ITPR1: variants seen among roughly 807,000 people sequenced by gnomAD.
ITPR1 encodes inositol 1,4,5-trisphosphate-gated calcium channel ITPR1.
ITPR1 carries 96 observed loss-of-function variants against 318.4 expected under a neutral mutation model. That is an observed-to-expected ratio of 0.30 (90% confidence interval 0.26 to 0.36). ITPR1 has a LOEUF of 0.36. ITPR1 is among the 10% of genes least tolerant of loss of function. The pLI, the probability that ITPR1 is intolerant of heterozygous loss-of-function variation, is 1.00. For missense variants in ITPR1, 2,440 were observed against 3,460.2 expected, an observed-to-expected ratio of 0.71 and a Z score of 7.40; for synonymous variants, 1,312 against 1,289.9, an observed-to-expected ratio of 1.02 and a Z score of -0.37.
At chr3:4,780,345 A>T (rs1367149691) in intron 49 of ITPR1, among the ~76,000 whole-genome samples, 1 of 152,130 alleles carries the variant, frequency 6.6e-6, no homozygotes. Context: ...AGCTACAGAA[A>T]TGTTTTTTGG....
At chr3:4,647,622 C>A (rs183951797) in intron 10 of ITPR1, among the ~76,000 whole-genome samples, 13 of 152,316 alleles carry the variant, frequency 8.5e-5, no homozygotes, top group Non-Finnish European at 5.9e-5. Context: ...TCAGTCTTTT[C>A]AATGTTACTC....
chr3:4,533,094 A>G (rs2083552235), intron 4 of ITPR1, among the ~76,000 whole-genome samples: 1 of 152,230 alleles, frequency 6.6e-6, no homozygotes, highest in East Asian at 1.9e-4. Context: ...CGTTGGGTCA[A>G]TAAACAGCTG....
chr3:4,783,958 G>T, intron 51 of ITPR1, 38 bp downstream of exon 51: 1 of 1,427,572 alleles, frequency 7.0e-7, no homozygotes, highest in Non-Finnish European at 9.7e-7. Flanking sequence ...GGGTTGTGTT[G>T]AGGCCATTAG....
At chr3:4,680,803 T>C in intron 25 of ITPR1, 112 bp downstream of exon 25, 1 of 915,116 alleles carries the variant, frequency 1.1e-6, no homozygotes, top group Non-Finnish European at 1.6e-6. Context: ...TTGAGGATTA[T>C]TGCACCAGGG....
intron 4 of ITPR1, among the ~76,000 whole-genome samples, chr3:4,535,544 A>G (rs571364945): frequency 4.2e-5 from 6 of 142,492 alleles, no homozygotes; most frequent in African/African-American, 1.3e-4. Flanking sequence ...CTGGGTTCAC[A>G]CCATTCTCCT....
chr3:4,636,800 T>A (rs796629483), intron 5 of ITPR1, among the ~76,000 whole-genome samples: 5 of 152,386 alleles, frequency 3.3e-5, no homozygotes, highest in African/African-American at 1.2e-4. Flanking sequence ...TCTGTTCTTC[T>A]CTTGCCTTTC....
At chr3:4,501,032 AAT>A (rs1491395606) in intron 2 of ITPR1, among the ~76,000 whole-genome samples, 2 of 93,774 alleles carry the variant, frequency 2.1e-5, no homozygotes, top group Non-Finnish European at 4.6e-5. Context: ...TTAAAAAAAA[AAT>A]TTTTTTTTGT....
At chr3:4,566,674 C>T (rs1457497265) in intron 4 of ITPR1, among the ~76,000 whole-genome samples, 1 of 150,120 alleles carries the variant, frequency 6.7e-6, no homozygotes, top group Admixed American at 6.7e-5. Flanking sequence ...GAGGTGTTTC[C>T]CAGGTTCCTA....
Position 4,670,899 on chromosome 3 carries a change from A to G in ITPR1, c.2177A>G (p.Glu726Gly). Residue 726 changes from glutamate (E) to glycine (G), a missense_variant, in exon 20 of 62, where the codon GAG becomes GGG. By Grantham distance (98) the Glu-to-Gly change is moderately conservative (BLOSUM62 -2). Transcript: ENST00000649015. ...LAQDAKEGQK[E>G]DRDVLSYYRY... ...CAGGATGCTAAAGAAGGGCAGAAGG[A>G]GGACCGAGACGTTCTCAGCTACTAC... 6.3e-7 allele frequency: 1 copy of G among 1,599,018 alleles called. No homozygotes were observed. The highest frequency in any genetic ancestry group is 2.2e-5 in the East Asian group (1 of 44,572).
intron 35 of ITPR1, among the ~76,000 whole-genome samples, chr3:4,700,479 G>A (rs1019506766): frequency 6.6e-6 from 1 of 152,208 alleles, no homozygotes; most frequent in South Asian, 2.1e-4. Flanking sequence ...ACATGTACTG[G>A]TTGAAGCCTT....
At chr3:4,721,151 T>C (rs1274646424) in intron 40 of ITPR1, among the ~76,000 whole-genome samples, 2 of 128,132 alleles carry the variant, frequency 1.6e-5, no homozygotes, top group African/African-American at 5.7e-5. Flanking sequence ...TATGTCTGTG[T>C]GTAGATACGT....
intron 4 of ITPR1, among the ~76,000 whole-genome samples, chr3:4,574,768 G>A (rs866893699): frequency 6.6e-6 from 1 of 152,220 alleles, no homozygotes; most frequent in Non-Finnish European, 1.5e-5. Context: ...TAATGTCATG[G>A]GATTGGAACA....
rs75764323 is a variant in ITPR1 at position 4,583,138 on chromosome 3, A to G, written c.164-44625A>G. ...TATAAGGGAGATCTGCTACAACAGGAAATTGGATTTGGACCTTCTTTGGAA... is the reference window on the plus strand; with the variant it reads ...TATAAGGGAGATCTGCTACAACAGGGAATTGGATTTGGACCTTCTTTGGAA... On this transcript the variant is annotated intron_variant, in intron 4 of 61. Transcript: ENST00000649015. 7.4e-3 allele frequency among the ~76,000 whole-genome samples: 1,132 copies of G among 152,320 alleles called. 13 individuals are homozygous for G. The highest frequency in any genetic ancestry group is 0.026 in the African/African-American group (1,084 of 41,568).
chr3:4,683,289 C>G, intron 26 of ITPR1, 97 bp from the exon 27 acceptor site: 3 of 1,189,390 alleles, frequency 2.5e-6, no homozygotes, highest in South Asian at 2.5e-5. Flanking sequence ...GATCACAGTG[C>G]TAGAAATGCA....
intron 4 of ITPR1, among the ~76,000 whole-genome samples, chr3:4,558,363 A>C (rs910171335): frequency 5.3e-5 from 8 of 152,240 alleles, no homozygotes; most frequent in African/African-American, 1.9e-4. Context: ...GATGCATAGA[A>C]AAATATTTAC....
At chr3:4,555,583 T>C (rs2086040266) in intron 4 of ITPR1, among the ~76,000 whole-genome samples, 1 of 152,116 alleles carries the variant, frequency 6.6e-6, no homozygotes, top group Admixed American at 6.5e-5. Context: ...TAAAAATAAG[T>C]GGGTTATGAA....
intron 55 of ITPR1, among the ~76,000 whole-genome samples, chr3:4,807,128 G>A (rs141114158): frequency 0.018 from 69 of 3,790 alleles, no homozygotes; most frequent in East Asian, 0.1. Flanking sequence ...AGAGAGGGGG[G>A]CTTACAAAGA....
chr3:4,764,171 A>G (rs750484150), intron 44 of ITPR1, among the ~76,000 whole-genome samples: 8 of 150,932 alleles, frequency 5.3e-5, no homozygotes, highest in Non-Finnish European at 1.2e-4. Flanking sequence ...CTTTGCCCCC[A>G]TGATTTTTTT....
chr3:4,763,838 G>A (rs982040521), intron 44 of ITPR1, among the ~76,000 whole-genome samples: 8 of 152,260 alleles, frequency 5.3e-5, no homozygotes, highest in African/African-American at 1.9e-4. Context: ...AGACAGCGCG[G>A]TCCGTGGCAG....
Sources: allele counts gnomAD v4.1 joint callset (sites outside exome capture counted in the v4.1 genomes callset), GRCh38; gene constraint gnomAD v4.1.1; transcripts MANE v1.5; gene names NCBI Gene and HGNC (gene_info 2026-07-23, HGNC 2026-07-21).